The following CELF2 variants were observed in gnomAD, a reference collection of about 807,000 sequenced individuals.
CELF2 encodes the protein CUGBP Elav-like family member 2, also known as CUG triplet repeat RNA-binding protein 2.
CELF2 carries 8 observed loss-of-function variants against 62.6 expected under a neutral mutation model. That is an observed-to-expected ratio of 0.13 (90% confidence interval 0.07 to 0.23). CELF2 has a LOEUF of 0.23. Ranked by LOEUF, CELF2 falls within the 10% of genes least tolerant of loss-of-function variation. The pLI is 1.00. For missense variants in CELF2, 333 were observed against 671.0 expected, an observed-to-expected ratio of 0.50 and a Z score of 5.56; for synonymous variants, 258 against 250.0, an observed-to-expected ratio of 1.03 and a Z score of -0.30.
intron 1 of CELF2, among the ~76,000 whole-genome samples, chr10:11,120,746 C>G (rs2057576900): frequency 6.6e-6 from 1 of 152,184 alleles, no homozygotes; most frequent in African/African-American, 2.4e-5. Flanking sequence ...GCCCTTGCAA[C>G]CCATCCATGC....
chr10:10,870,841 A>G (rs1400616883), intron 1 of CELF2, among the ~76,000 whole-genome samples: 4 of 152,140 alleles, frequency 2.6e-5, no homozygotes, highest in Non-Finnish European at 5.9e-5. Context: ...CAGTCTCCAA[A>G]CAGTAAAAAG....
the CELF2 span, among the ~76,000 whole-genome samples, chr10:10,466,955 T>A: frequency 6.6e-6 from 1 of 151,980 alleles, no homozygotes; most frequent in Admixed American, 6.6e-5. Context: ...TTCAGATGAG[T>A]GTATGGAATA....
In CELF2 at chr10:11,117,713, T is replaced by C. The variant is rs2056863101; in HGVS notation, c.75-47773T>C. 6.6e-6 allele frequency among the ~76,000 whole-genome samples: 1 copy of C among 152,214 alleles called. No homozygotes were observed. Among genetic ancestry groups the C allele is most frequent in the Admixed American group, 6.5e-5 (1 of 15,288 alleles). On this transcript the variant is annotated intron_variant, in intron 1 of 12. Coordinates refer to ENST00000633077, the MANE Select transcript of CELF2 (RefSeq NM_001326342.2). This position sits in a 1 kb window ranked among gnomAD's most constrained non-coding sequence, Gnocchi z 4.1. ...CAAAATCACCCAAGTATTTTTAAAA[T>C]GTGTGACTCTCCAGAGAGGGTACCC... is the stretch of plus-strand genomic sequence containing the variant.
intron 8 of CELF2, among the ~76,000 whole-genome samples, chr10:11,277,044 C>T (rs1372641703): frequency 6.6e-6 from 1 of 152,202 alleles, no homozygotes; most frequent in Non-Finnish European, 1.5e-5. Context: ...ACAGGCCATT[C>T]CCTACCATCA....
the CELF2 span, among the ~76,000 whole-genome samples, chr10:10,759,296 CTT>C: frequency 0.21 from 25,344 of 120,720 alleles, 2,982 homozygotes; most frequent in Middle Eastern, 0.28. Flanking sequence ...GCCCATTTTT[CTT>C]TTTTTTTTTT....
intron 2 of CELF2, among the ~76,000 whole-genome samples, chr10:10,940,882 C>A (rs1334255634): frequency 6.6e-6 from 1 of 152,150 alleles, no homozygotes; most frequent in Non-Finnish European, 1.5e-5. Flanking sequence ...ACTTTTGTAG[C>A]AATCATGATT....
the CELF2 span, among the ~76,000 whole-genome samples, chr10:10,721,237 G>T: frequency 3.9e-4 from 59 of 152,210 alleles, no homozygotes; most frequent in Non-Finnish European, 7.1e-4. Context: ...TTGGGCAGAG[G>T]TTTTGAAGTA....
the CELF2 span, among the ~76,000 whole-genome samples, chr10:10,627,375 A>G: frequency 1.3e-5 from 2 of 152,234 alleles, no homozygotes; most frequent in Admixed American, 1.3e-4. Flanking sequence ...AAACATGCAA[A>G]TGGTCTCAGA....
intron 1 of CELF2, among the ~76,000 whole-genome samples, chr10:11,144,734 C>T (rs1260111891): frequency 3.3e-5 from 5 of 151,440 alleles, no homozygotes; most frequent in African/African-American, 9.7e-5. Context: ...CTGTACAAAA[C>T]ATAAAAAATC....
chr10:11,144,296 G>A (rs1012208516), intron 1 of CELF2, among the ~76,000 whole-genome samples: 1 of 152,078 alleles, frequency 6.6e-6, no homozygotes, highest in African/African-American at 2.4e-5. Context: ...TGGGCAATTA[G>A]GCAAAATACA....
At chr10:10,738,449 A>G in the CELF2 span, among the ~76,000 whole-genome samples, 342 of 152,312 alleles carry the variant, frequency 2.2e-3, 2 homozygotes, top group Non-Finnish European at 2.2e-3. Flanking sequence ...GGTGATCAAC[A>G]TCAGTATCAG....
intron 1 of CELF2, among the ~76,000 whole-genome samples, chr10:11,149,101 C>T (rs1564945592): frequency 6.6e-6 from 1 of 152,102 alleles, no homozygotes; most frequent in African/African-American, 2.4e-5. Flanking sequence ...GTCGGAGTCT[C>T]CTTCTGTCAC....
At chr10:10,518,198 T>C in the CELF2 span, among the ~76,000 whole-genome samples, 13 of 152,336 alleles carry the variant, frequency 8.5e-5, no homozygotes, top group African/African-American at 2.9e-4. Context: ...ATGTTGGCTC[T>C]TGCTGTAGCA....
In CELF2 at chr10:10,947,352, T is replaced by A. The variant is rs1310996929; in HGVS notation, c.89+27353T>A. ...GGCACAGATGGGAGGCAGGGTTATT[T>A]ACCATTTTACTCTCCCTCCCTGTTC... On this transcript the variant is annotated intron_variant, in intron 2 of 13. Coordinates refer to the CELF2 transcript ENST00000636488. The surrounding 1 kb of genome is among the most constrained non-coding windows in gnomAD (Gnocchi z 4.1). 6.5e-6 allele frequency: 1 copy of A among 152,672 alleles called. No homozygotes were observed. The highest frequency in any genetic ancestry group is 1.5e-5 in the Non-Finnish European group (1 of 68,054). The allele number at this position is 152,672 out of a possible 1,614,324, so 9.5% of individuals were successfully genotyped here. A position where few individuals can be genotyped will look rare whatever the true frequency, so the allele number is the denominator to read the frequency against.
the CELF2 span, among the ~76,000 whole-genome samples, chr10:10,763,581 G>A: frequency 6.6e-6 from 1 of 152,200 alleles, no homozygotes; most frequent in South Asian, 2.1e-4. Flanking sequence ...AAAATGGAAG[G>A]TGAAACCAAC....
intron 1 of CELF2, among the ~76,000 whole-genome samples, chr10:10,859,253 G>T (rs888882993): frequency 6.6e-6 from 1 of 152,106 alleles, no homozygotes; most frequent in African/African-American, 2.4e-5. Flanking sequence ...CCAAGGCTTG[G>T]TTGAGGGCTC....
chr10:10,609,076 G>T, the CELF2 span, among the ~76,000 whole-genome samples: 1 of 152,180 alleles, frequency 6.6e-6, no homozygotes, highest in African/African-American at 2.4e-5. Flanking sequence ...TGCCTTGATT[G>T]TCATGTCAAT....
chr10:11,087,467 A>C (rs1223389031), intron 1 of CELF2, among the ~76,000 whole-genome samples: 2 of 152,222 alleles, frequency 1.3e-5, no homozygotes, highest in Non-Finnish European at 2.9e-5. Context: ...GGAAGTAGCA[A>C]CTGGCTTCTC....
chr10:10,729,788 A>T, the CELF2 span, among the ~76,000 whole-genome samples: 1 of 152,056 alleles, frequency 6.6e-6, no homozygotes, highest in African/African-American at 2.4e-5. Context: ...AAAAAAAAAA[A>T]GTTGGTCTTT....
Sources: gnomAD v4.1 joint callset for allele counts (sites outside exome capture counted in the v4.1 genomes callset) on GRCh38, gnomAD v4.1.1 for gene constraint, Gnocchi (gnomAD v3.1) non-coding constraint, MANE v1.5 for transcripts, NCBI Gene and HGNC (gene_info 2026-07-23, HGNC 2026-07-21) for gene names.